The following SMPD3 variants were observed in gnomAD, a reference collection of about 807,000 sequenced individuals.
SMPD3 encodes the protein nSMase-2.
SMPD3 carries 21 observed loss-of-function variants against 55.7 expected under a neutral mutation model. The observed-to-expected ratio is 0.38, with a 90% CI of 0.27 to 0.54. The LOEUF is 0.54. Ranked by LOEUF, SMPD3 falls within the 20% of genes least tolerant of loss-of-function variation. The pLI is 0.80. For synonymous variants in SMPD3, 457 were observed against 404.3 expected, an observed-to-expected ratio of 1.13 and a Z score of -1.56; for missense variants, 842 against 899.6, an observed-to-expected ratio of 0.94 and a Z score of 0.82.
chr16:68,365,371 T>A (rs1248909996), intron 3 of SMPD3, among the ~76,000 whole-genome samples: 2 of 152,194 alleles, frequency 1.3e-5, no homozygotes, highest in East Asian at 3.9e-4. Context: ...GCAGCAAGGC[T>A]CCCCGGAGGC....
chr16:68,395,555 A>C (rs1389393563), intron 1 of SMPD3, among the ~76,000 whole-genome samples: 1 of 152,210 alleles, frequency 6.6e-6, no homozygotes, highest in Non-Finnish European at 1.5e-5. Context: ...GTTCACCTCA[A>C]GCCATTGAGC....
intron 1 of SMPD3, among the ~76,000 whole-genome samples, chr16:68,406,654 C>T (rs571313028): frequency 1.3e-5 from 2 of 152,352 alleles, no homozygotes; most frequent in South Asian, 4.1e-4. Context: ...TTGCCTTTAT[C>T]AGACGCCGAT....
chr16:68,404,284 G>A lies in SMPD3; in HGVS notation c.-268-17625C>T, dbSNP rs1350074393. ...CCTGGCTAATTTTGTATTTTTAGTA[G>A]AGATGGGGTTTCTCCATGTCGGTCA... On this transcript the variant is annotated intron_variant, in intron 1 of 8. Transcript: ENST00000219334. This position sits in a 1 kb window ranked among gnomAD's most constrained non-coding sequence, Gnocchi z 4.0. Among the ~76,000 whole-genome samples the A allele has an allele frequency of 6.6e-6, 1 of 151,108 alleles. No individual in the cohort carries two copies. The highest frequency in any genetic ancestry group is 1.5e-5 in the Non-Finnish European group (1 of 67,890).
intron 2 of SMPD3, among the ~76,000 whole-genome samples, chr16:68,375,037 G>C (rs2089775478): frequency 1.3e-5 from 2 of 152,308 alleles, no homozygotes; most frequent in African/African-American, 4.8e-5. Context: ...CCATTCCTGA[G>C]TCACCCTCAT....
rs2090615436 is a variant in SMPD3 at position 68,447,009 on chromosome 16, G to C, written c.-269+1344C>G. 6.6e-6 allele frequency among the ~76,000 whole-genome samples: 1 copy of C among 152,160 alleles called. No individual in the cohort carries two copies. Among genetic ancestry groups the C allele is most frequent in the Non-Finnish European group, 1.5e-5 (1 of 68,016 alleles). On this transcript the variant is annotated intron_variant, in intron 1 of 8. Transcript: ENST00000219334. This position sits in a 1 kb window ranked among gnomAD's most constrained non-coding sequence, Gnocchi z 5.1. The stretch of plus-strand genomic sequence containing the variant: ...CATCCCGGCTCGCGCGGGCCCGCTA[G>C]AAGCCGGTGCGCTTTGTCTCCCGCC...
intron 2 of SMPD3, among the ~76,000 whole-genome samples, chr16:68,373,874 C>T (rs908431462): frequency 3.3e-5 from 5 of 152,186 alleles, no homozygotes; most frequent in African/African-American, 7.2e-5. Context: ...ACTTGTGTCC[C>T]GTCCCTGCCT....
chr16:68,375,538 C>G (rs1378414200), intron 2 of SMPD3, among the ~76,000 whole-genome samples: 1 of 152,232 alleles, frequency 6.6e-6, no homozygotes, highest in Admixed American at 6.5e-5. Context: ...CAAAACTGCT[C>G]TCCCGTGTGG....
chr16:68,419,928 G>A (rs201550628), intron 1 of SMPD3, among the ~76,000 whole-genome samples: 352 of 151,322 alleles, frequency 2.3e-3, no homozygotes, highest in Non-Finnish European at 3.9e-3. Context: ...CATCTGTAAA[G>A]TGGGGATCAG....
At position 68,358,563 on chromosome 16, in the gene SMPD3, TAAA is replaced by T. The variant is rs1188780711; in HGVS notation, c.*2640_*2642del. Reference sequence around the variant, plus strand: ...ACAATACAGAAAAAAATACAGAAATTAAAAAAGTTTTTATAACAGTATTTCTAA... The same window carrying T: ...ACAATACAGAAAAAAATACAGAAATTAAAGTTTTTATAACAGTATTTCTAA... On this transcript the variant is annotated 3_prime_UTR_variant, in exon 9 of 9. Transcript: ENST00000219334. 2 of 152,566 alleles carry T rather than the reference TAAA, an allele frequency of 1.3e-5. No homozygotes were observed. Among genetic ancestry groups the T allele is most frequent in the Non-Finnish European group, 2.9e-5 (2 of 68,026 alleles). The allele number at this position is 152,566 out of a possible 1,614,324, so 9.5% of individuals were successfully genotyped here.
At chr16:68,435,210 A>C (rs1224279410) in intron 1 of SMPD3, among the ~76,000 whole-genome samples, 2 of 152,120 alleles carry the variant, frequency 1.3e-5, no homozygotes, top group African/African-American at 4.8e-5. Flanking sequence ...GACCAGAGTG[A>C]GGGTAGGTTG....
rs2089186538 is a variant in SMPD3, at chr16:68,360,417, CGG to C, written c.*787_*788del. 6.6e-6 allele frequency: 1 copy of C among 152,294 alleles called. No homozygotes were observed. The highest frequency in any genetic ancestry group is 1.5e-5 in the Non-Finnish European group (1 of 68,050). The allele number at this position is 152,294 out of a possible 1,614,324, so 9.4% of individuals were successfully genotyped here. ...CTCCACTGCCCAGATGGGAGGCTCCCGGAGGAGGCCCAGGGTGCCAGAGCCTG... is the reference window on the plus strand; with the variant it reads ...CTCCACTGCCCAGATGGGAGGCTCCCAGGAGGCCCAGGGTGCCAGAGCCTG... On this transcript the variant is annotated 3_prime_UTR_variant, in exon 9 of 9. Transcript: ENST00000219334.
Position 68,371,189 on chromosome 16 carries a change from C to T in SMPD3, c.993G>A (p.Lys331=). The T allele has an allele frequency of 1.2e-6, 2 of 1,612,594 alleles. No homozygotes were observed. The highest frequency in any genetic ancestry group is 2.2e-5 in the South Asian group (2 of 91,038). ...GCCGCCTCCTGCGTGCAGCCGCCTTCTTCACCACCGAGGCCTTGTACAGGA... is the reference window on the plus strand; with the variant it reads ...GCCGCCTCCTGCGTGCAGCCGCCTTTTTCACCACCGAGGCCTTGTACAGGA... ...SKLLYKASVV[K]KAAARRRRHP... is the part of the protein sequence containing the mutation. The change falls in exon 3 of 9, where the codon AAG becomes AAA. Residue 331 remains lysine, a synonymous_variant. Coordinates refer to ENST00000219334, the MANE Select transcript of SMPD3 (RefSeq NM_018667.4).
rs2089224537 is a variant in SMPD3 at position 68,360,948 on chromosome 16, G to A, written c.*258C>T. The A allele has an allele frequency of 2.0e-6, 1 of 493,550 alleles. No homozygotes were observed. Among genetic ancestry groups the A allele is most frequent in the African/African-American group, 1.9e-5 (1 of 51,722 alleles). The allele number at this position is 493,550 out of a possible 1,614,324, so 30.6% of individuals were successfully genotyped here. On this transcript the variant is annotated 3_prime_UTR_variant, in exon 9 of 9. Coordinates refer to ENST00000219334, the MANE Select transcript of SMPD3 (RefSeq NM_018667.4). ...GGGTTACAAACTCGGTTGTGCTGTAGATTTGTAGAAAATCGTGTTGTGAAA... is the reference window on the plus strand; with the variant it reads ...GGGTTACAAACTCGGTTGTGCTGTAAATTTGTAGAAAATCGTGTTGTGAAA...
intron 3 of SMPD3, chr16:68,369,071 G>T (rs1379008077): frequency 6.6e-6 from 1 of 152,068 alleles, no homozygotes; most frequent in Non-Finnish European, 1.5e-5. Flanking sequence ...TAAAAAATTA[G>T]CCAGGCGTGG....
intron 3 of SMPD3, chr16:68,370,042 T>G (rs4783557): frequency 6.6e-6 from 1 of 152,148 alleles, no homozygotes; most frequent in South Asian, 2.1e-4. Flanking sequence ...AGCCCTGTGC[T>G]GCATCCACTG....
In SMPD3 at chr16:68,365,079, C is replaced by T; in HGVS notation, c.1337G>A (p.Ser446Asn). 6.2e-7 allele frequency: 1 copy of T among 1,614,078 alleles called. No homozygotes were observed. Reference sequence around the variant, plus strand: ...GACGATTCTTTGGTCCTGAGGTGTGCTTCCCACCTGCACCTGGGGGAGGAG... The same window carrying T: ...GACGATTCTTTGGTCCTGAGGTGTGTTTCCCACCTGCACCTGGGGGAGGAG... ...GALFLKVQVGSTPQDQRIVGY... is the reference protein window; with the variant it reads ...GALFLKVQVGNTPQDQRIVGY... The change falls in exon 4 of 9, where the codon AGC (serine) becomes AAC (asparagine). Residue 446 changes from serine to asparagine, a missense_variant. Ser to Asn is a conservative substitution (Grantham distance 46). Coordinates refer to ENST00000219334, the MANE Select transcript of SMPD3 (RefSeq NM_018667.4).
At chr16:68,441,596 C>A (rs902655930) in intron 1 of SMPD3, among the ~76,000 whole-genome samples, 3 of 151,890 alleles carry the variant, frequency 2.0e-5, no homozygotes, top group African/African-American at 7.3e-5. Context: ...ATTTTTTATA[C>A]TAATTTTTCA....
intron 1 of SMPD3, among the ~76,000 whole-genome samples, chr16:68,439,715 C>T (rs539888956): frequency 6.6e-6 from 1 of 152,300 alleles, no homozygotes; most frequent in East Asian, 1.9e-4. Flanking sequence ...ATTTCTTTGG[C>T]TGTCTTCCTC....
chr16:68,436,170 AG>A (rs2090521630), intron 1 of SMPD3, among the ~76,000 whole-genome samples: 1 of 152,366 alleles, frequency 6.6e-6, no homozygotes, highest in South Asian at 2.1e-4. Flanking sequence ...GCACCAGATT[AG>A]GAAACTGAGG....
Sources: allele counts gnomAD v4.1 joint callset (sites outside exome capture counted in the v4.1 genomes callset), GRCh38; gene constraint gnomAD v4.1.1; non-coding constraint Gnocchi (gnomAD v3.1); transcripts MANE v1.5; gene names NCBI Gene and HGNC (gene_info 2026-07-23, HGNC 2026-07-21).